The following DACH1 variants were observed in gnomAD, a reference collection of about 807,000 sequenced individuals.
The protein encoded by DACH1 is dachshund homolog 1.
A neutral mutation model predicts 54.2 loss-of-function variants in DACH1; 12 were observed. That is an observed-to-expected ratio of 0.22 (90% CI 0.14 to 0.36). The LOEUF is 0.36. Ranked by LOEUF, DACH1 falls within the 10% of genes least tolerant of loss-of-function variation. DACH1 has a pLI of 1.00. For synonymous variants in DACH1, 386 were observed against 366.2 expected (o/e 1.05, Z -0.62); for missense variants, 805 against 929.8 (o/e 0.87, Z 1.75).
At chr13:71,860,573 T>A (rs553389019) in intron 1 of DACH1, among the ~76,000 whole-genome samples, 3 of 151,878 alleles carry the variant, frequency 2.0e-5, no homozygotes, top group Non-Finnish European at 4.4e-5. Context: ...AAATGTTTAA[T>A]GAAATCTAGA....
At chr13:71,441,635 C>A (rs1388576168) in intron 10 of DACH1, among the ~76,000 whole-genome samples, 1 of 151,858 alleles carries the variant, frequency 6.6e-6, no homozygotes, top group Non-Finnish European at 1.5e-5. Context: ...TGTCTGGTAA[C>A]TGGAAGAATT....
chr13:71,451,086 G>T (rs1875008222), intron 10 of DACH1, among the ~76,000 whole-genome samples: 1 of 152,048 alleles, frequency 6.6e-6, no homozygotes, highest in African/African-American at 2.4e-5. Context: ...ACTATCTATT[G>T]TTTGTCTATG....
chr13:71,592,494 C>CAAAAAAAAAAAAAAAAAAAAAAAAAA (rs575364116), intron 3 of DACH1, among the ~76,000 whole-genome samples: 9 of 32,764 alleles, frequency 2.7e-4, no homozygotes, highest in South Asian at 1.3e-3. Context: ...GACTCTATCT[C>CAAAAAAAAAAAAAAAAAAAAAAAAAA]AAAAAAAAAA....
intron 1 of DACH1, among the ~76,000 whole-genome samples, chr13:71,729,591 T>A (rs1883644290): frequency 6.6e-6 from 1 of 152,082 alleles, no homozygotes; most frequent in Non-Finnish European, 1.5e-5. Context: ...TACTGTTAAA[T>A]GTTAGTCAGG....
chr13:71,455,591 T>C (rs1875490782), intron 10 of DACH1, among the ~76,000 whole-genome samples: 1 of 152,066 alleles, frequency 6.6e-6, no homozygotes, highest in South Asian at 2.1e-4. Context: ...AATGATCATA[T>C]CACGTAACTA....
At chr13:71,505,242 C>T (rs902508779) in intron 6 of DACH1, among the ~76,000 whole-genome samples, 3 of 152,030 alleles carry the variant, frequency 2.0e-5, no homozygotes, top group Non-Finnish European at 2.9e-5. Context: ...GCCACCACGC[C>T]CGGCTACTTT....
At chr13:71,471,918 C>T (rs1435162750) in intron 10 of DACH1, among the ~76,000 whole-genome samples, 1 of 151,972 alleles carries the variant, frequency 6.6e-6, no homozygotes, top group Non-Finnish European at 1.5e-5. Context: ...GTGTAGGGGC[C>T]AGAGGGGTTT....
At chr13:71,658,723 A>G (rs1051250329) in intron 2 of DACH1, among the ~76,000 whole-genome samples, 1 of 152,178 alleles carries the variant, frequency 6.6e-6, no homozygotes, top group Non-Finnish European at 1.5e-5. Context: ...GTATTCCAAA[A>G]ACTAGAAACT....
chr13:71,605,880 G>A (rs913262792), intron 3 of DACH1, among the ~76,000 whole-genome samples: 1 of 151,856 alleles, frequency 6.6e-6, no homozygotes, highest in African/African-American at 2.4e-5. Context: ...AAGACAAAAC[G>A]CTATGTAATA....
chr13:71,551,491 T>G (rs1883812268), intron 6 of DACH1, among the ~76,000 whole-genome samples: 1 of 152,106 alleles, frequency 6.6e-6, no homozygotes, highest in Admixed American at 6.6e-5. Flanking sequence ...ACCAGCAATC[T>G]AACTACCTTC....
At chr13:71,617,325 A>G (rs2138532204) in intron 3 of DACH1, among the ~76,000 whole-genome samples, 1 of 152,208 alleles carries the variant, frequency 6.6e-6, no homozygotes, top group African/African-American at 2.4e-5. Context: ...TTTCTTTTTT[A>G]TTAATTGTTT....
intron 1 of DACH1, among the ~76,000 whole-genome samples, chr13:71,722,273 A>T (rs1015231571): frequency 6.6e-6 from 1 of 152,148 alleles, no homozygotes; most frequent in Non-Finnish European, 1.5e-5. Flanking sequence ...TTGATTTCCT[A>T]TGAGATTTTC....
In DACH1 at chr13:71,716,649, T is replaced by C. The variant is rs540248449; in HGVS notation, c.849-34739A>G. 3.3e-5 allele frequency among the ~76,000 whole-genome samples: 5 copies of C among 152,252 alleles called. No homozygotes were observed. In the East Asian group the frequency reaches 5.8e-4, roughly 18 times the overall value. ...TACCATAGTATCATATTAGTCTTTC[T>C]ATTAACATAATAATTTATGTATTAT... On this transcript the variant is annotated intron_variant, in intron 1 of 10. Coordinates refer to ENST00000613252, the MANE Select transcript of DACH1 (RefSeq NM_080759.6).
intron 8 of DACH1, among the ~76,000 whole-genome samples, chr13:71,478,828 C>A (rs913130803): frequency 3.6e-4 from 55 of 152,098 alleles, no homozygotes; most frequent in Non-Finnish European, 7.5e-4. Context: ...TCAAGTTTTT[C>A]AAAGGGCAAT....
At chr13:71,652,006 GTGTT>G (rs1878724366) in intron 2 of DACH1, among the ~76,000 whole-genome samples, 1 of 152,134 alleles carries the variant, frequency 6.6e-6, no homozygotes, top group Non-Finnish European at 1.5e-5. Context: ...CCCTTCATGA[GTGTT>G]TCTCTGAATT....
At chr13:71,486,817 TATCTATCTATC>T (rs1383228097) in intron 7 of DACH1, among the ~76,000 whole-genome samples, 1,541 of 6,092 alleles carry the variant, frequency 0.25, 29 homozygotes, top group African/African-American at 0.29. Flanking sequence ...TTTATTTATC[TATCTATCTATC>T]TATCTATCTA....
chr13:71,588,562 A>C lies in DACH1; in HGVS notation c.1127-15550T>G, dbSNP rs141131647. 5.1e-3 allele frequency among the ~76,000 whole-genome samples: 779 copies of C among 152,194 alleles called. 8 individuals carry two copies. The highest frequency in any genetic ancestry group is 0.017 in the African/African-American group (718 of 41,552). ...CCTAAAGCATTCACATAAGAATATC[A>C]TATTAGACAATTTCAAATGCAATAT... On this transcript the variant is annotated intron_variant, in intron 3 of 10. Coordinates refer to ENST00000613252, the MANE Select transcript of DACH1 (RefSeq NM_080759.6).
Position 71,577,048 on chromosome 13 carries a change from G to A in DACH1, c.1127-4036C>T, listed in dbSNP as rs191241875. On this transcript the variant is annotated intron_variant, in intron 3 of 10. Transcript: ENST00000613252. The stretch of plus-strand genomic sequence containing the variant: ...CTGATCCTTCAAGGGAATCCTTACT[G>A]AGGAACTTCCTAACTGCACAAGTCC... 1.9e-4 allele frequency among the ~76,000 whole-genome samples: 29 copies of A among 152,214 alleles called. No individual in the cohort carries two copies. The East Asian group carries it at 4.4e-3, about 23-fold the overall frequency.
At chr13:71,736,031 G>A (rs890882003) in intron 1 of DACH1, among the ~76,000 whole-genome samples, 2 of 152,036 alleles carry the variant, frequency 1.3e-5, no homozygotes, top group Admixed American at 1.3e-4. Flanking sequence ...CATGATACTA[G>A]CTACCAAAAT....
Sources: gnomAD v4.1 joint callset for allele counts (sites outside exome capture counted in the v4.1 genomes callset) on GRCh38, gnomAD v4.1.1 for gene constraint, MANE v1.5 for transcripts, NCBI Gene and HGNC (gene_info 2026-07-23, HGNC 2026-07-21) for gene names.